The following TRAPPC10 variants were observed in gnomAD, a reference collection of about 807,000 sequenced individuals.
TRAPPC10 encodes the protein trafficking protein particle complex subunit 10.
In TRAPPC10, 23 loss-of-function variants were observed where a neutral mutation model predicts 125.5. The observed-to-expected ratio is 0.18, with a 90% confidence interval of 0.13 to 0.26. The LOEUF (loss-of-function observed/expected upper bound fraction) is 0.26, where lower values mean the gene tolerates loss of function less well. TRAPPC10 is among the 10% of genes least tolerant of loss of function. TRAPPC10 has a pLI of 1.00. For synonymous variants in TRAPPC10, 509 were observed against 518.0 expected (o/e 0.98, Z 0.24); for missense variants, 1,123 against 1,308.4 (o/e 0.86, Z 2.19).
chr21:44,019,755 C>T (rs1035423248), intron 1 of TRAPPC10, among the ~76,000 whole-genome samples: 2 of 152,180 alleles, frequency 1.3e-5, no homozygotes, highest in Non-Finnish European at 2.9e-5. Context: ...TGTTGTGGGG[C>T]ACCATGCCAC....
intron 3 of TRAPPC10, among the ~76,000 whole-genome samples, chr21:44,048,462 G>A (rs1358967561): frequency 6.6e-6 from 1 of 151,980 alleles, no homozygotes; most frequent in Non-Finnish European, 1.5e-5. Flanking sequence ...ATGTTTCTTG[G>A]TTTTTGGTGT....
At chr21:44,037,725 C>G in intron 2 of TRAPPC10, 67 bp from the exon 3 acceptor site, 2 of 1,547,388 alleles carry the variant, frequency 1.3e-6, no homozygotes, top group Non-Finnish European at 1.8e-6. Flanking sequence ...ATTTGTTGTT[C>G]TATTTCCCCT....
chr21:44,085,488 C>T (rs529836750), intron 15 of TRAPPC10, among the ~76,000 whole-genome samples: 79 of 152,214 alleles, frequency 5.2e-4, no homozygotes, highest in African/African-American at 1.8e-3. Context: ...ATGGGTAAGC[C>T]AGTCGGGGCA....
chr21:44,083,805 A>AT (rs528171577), intron 14 of TRAPPC10, among the ~76,000 whole-genome samples: 277 of 152,330 alleles, frequency 1.8e-3, no homozygotes, highest in African/African-American at 6.4e-3. Context: ...TATTTGTCAC[A>AT]TTTTTTAGTC....
rs200830483 is a variant in TRAPPC10 at position 44,076,644 on chromosome 21, T to C, written c.1377+16T>C. ...ACACTACTTAGTAAGTATTAACAAG[T>C]GTTCAATGTCTGTTCTGTGAATACC... On this transcript the variant is annotated intron_variant, in intron 10 of 22. Transcript: ENST00000291574. 5.7e-5 allele frequency: 90 copies of C among 1,590,584 alleles called. 1 individual carries two copies. In the East Asian group the frequency reaches 2.0e-3, roughly 36 times the overall value.
chr21:44,090,174 C>T (rs1401879951), intron 18 of TRAPPC10, among the ~76,000 whole-genome samples: 1 of 152,094 alleles, frequency 6.6e-6, no homozygotes, highest in Non-Finnish European at 1.5e-5. Flanking sequence ...ACTTGGGGTC[C>T]AAAATCTCCA....
At chr21:44,031,796 T>A (rs1332345971) in intron 1 of TRAPPC10, among the ~76,000 whole-genome samples, 1 of 152,216 alleles carries the variant, frequency 6.6e-6, no homozygotes, top group African/African-American at 2.4e-5. Context: ...AGGCTCCCTC[T>A]CCTAAGCTTT....
chr21:44,079,764 C>T, intron 12 of TRAPPC10, 60 bp downstream of exon 12: 1 of 1,535,358 alleles, frequency 6.5e-7, no homozygotes, highest in Non-Finnish European at 8.9e-7. Flanking sequence ...GGCAACATTG[C>T]CCACAATCAA....
chr21:44,046,951 G>A (rs1569164309), intron 3 of TRAPPC10: 3 of 829,750 alleles, frequency 3.6e-6, no homozygotes, highest in African/African-American at 1.7e-5. Context: ...GATGAATATG[G>A]CCCACTGGGA....
intron 17 of TRAPPC10, 145 bp downstream of exon 17, chr21:44,088,073 G>T: frequency 1.4e-6 from 1 of 705,572 alleles, no homozygotes; most frequent in Non-Finnish European, 2.4e-6. Context: ...AGTTCTGTCT[G>T]TCTGTGAATC....
intron 7 of TRAPPC10, among the ~76,000 whole-genome samples, chr21:44,069,790 G>T (rs763768226): frequency 1.3e-5 from 2 of 152,160 alleles, no homozygotes; most frequent in African/African-American, 2.4e-5. Flanking sequence ...TTGCACCGTG[G>T]CCCTGTAGTG....
intron 7 of TRAPPC10, 50 bp from the exon 8 acceptor site, chr21:44,074,274 T>C (rs781483680): frequency 3.1e-6 from 5 of 1,610,910 alleles, no homozygotes; most frequent in East Asian, 2.2e-5. Context: ...TTGTTCAAGC[T>C]AGAGCTGTCC....
At chr21:44,060,058 A>G (rs1370617234) in intron 6 of TRAPPC10, 1 of 154,778 alleles carries the variant, frequency 6.5e-6, no homozygotes, top group Non-Finnish European at 1.4e-5. Context: ...CTGGAGGGAG[A>G]TGAAGTGTGG....
chr21:44,045,213 G>A (rs1166044663), intron 3 of TRAPPC10, among the ~76,000 whole-genome samples: 2 of 152,244 alleles, frequency 1.3e-5, no homozygotes, highest in South Asian at 2.1e-4. Context: ...GATTACAGGC[G>A]TGAGCCACCG....
intron 12 of TRAPPC10, 35 bp from the exon 13 acceptor site, chr21:44,079,979 AT>A (rs774477533): frequency 6.3e-7 from 1 of 1,579,428 alleles, no homozygotes; most frequent in South Asian, 1.1e-5. Flanking sequence ...ACTCCTAAGT[AT>A]GAGCCTCTCC....
intron 3 of TRAPPC10, among the ~76,000 whole-genome samples, chr21:44,045,926 T>C (rs927985395): frequency 2.6e-5 from 4 of 151,376 alleles, no homozygotes; most frequent in African/African-American, 9.7e-5. Context: ...TTTCTTAATA[T>C]TTCTTGTACT....
At chr21:44,075,487 A>G (rs569631979) in intron 9 of TRAPPC10, among the ~76,000 whole-genome samples, 1 of 144,028 alleles carries the variant, frequency 6.9e-6, no homozygotes, top group Non-Finnish European at 1.5e-5. Flanking sequence ...CGACCTGACG[A>G]TTTTTTTTTT....
At chr21:44,041,935 A>G (rs896046929) in intron 3 of TRAPPC10, among the ~76,000 whole-genome samples, 4 of 152,094 alleles carry the variant, frequency 2.6e-5, no homozygotes, top group African/African-American at 9.7e-5. Flanking sequence ...CATGTTGGCC[A>G]GGCTGGTCTC....
intron 2 of TRAPPC10, 97 bp downstream of exon 2, chr21:44,032,269 G>T: frequency 1.0e-6 from 1 of 960,458 alleles, no homozygotes; most frequent in South Asian, 1.6e-5. Context: ...ACATTTATGT[G>T]AACAAGTGAA....
Sources: gnomAD v4.1 joint callset for allele counts (sites outside exome capture counted in the v4.1 genomes callset) on GRCh38, gnomAD v4.1.1 for gene constraint, MANE v1.5 for transcripts, NCBI Gene and HGNC (gene_info 2026-07-23, HGNC 2026-07-21) for gene names.